GRIP1: variants seen among roughly 807,000 people sequenced by gnomAD.
GRIP1 encodes glutamate receptor-interacting protein 1.
GRIP1 carries 45 observed loss-of-function variants against 129.9 expected under a neutral mutation model. That is an observed-to-expected ratio of 0.35 (90% CI 0.27 to 0.44). The LOEUF is 0.44. Among genes scored for constraint, GRIP1 ranks in the 20% least tolerant of loss-of-function variants. The pLI is 1.00. For synonymous variants in GRIP1, 530 were observed against 520.8 expected (o/e 1.02, Z -0.24); for missense variants, 1,196 against 1,396.8 (o/e 0.86, Z 2.29).
At chr12:66,755,842 CT>C (rs2037271889) in intron 1 of GRIP1, among the ~76,000 whole-genome samples, 1 of 152,172 alleles carries the variant, frequency 6.6e-6, no homozygotes, top group African/African-American at 2.4e-5. Flanking sequence ...CCTCACCTCT[CT>C]TTTTCACTGT....
chr12:66,544,051 C>T (rs965187072), intron 2 of GRIP1, among the ~76,000 whole-genome samples: 6 of 152,156 alleles, frequency 3.9e-5, no homozygotes, highest in Non-Finnish European at 7.3e-5. Context: ...ATGTCATTTT[C>T]TCCAGAAGGA....
chr12:66,705,599 A>G (rs1459690123), intron 1 of GRIP1, among the ~76,000 whole-genome samples: 3 of 152,098 alleles, frequency 2.0e-5, no homozygotes, highest in Non-Finnish European at 4.4e-5. Context: ...TATAGCCAAG[A>G]CAATCCTAAG....
intron 1 of GRIP1, among the ~76,000 whole-genome samples, chr12:66,785,317 TAC>T (rs1566020935): frequency 2.1e-5 from 1 of 47,910 alleles, no homozygotes; most frequent in Non-Finnish European, 4.7e-5. Context: ...CATACATACA[TAC>T]ATACATACAT....
At chr12:67,006,504 T>A (rs2042628832) in intron 1 of GRIP1, among the ~76,000 whole-genome samples, 1 of 152,002 alleles carries the variant, frequency 6.6e-6, no homozygotes, top group Non-Finnish European at 1.5e-5. Context: ...GAGAGATCGC[T>A]GAAATCTGGG....
intron 1 of GRIP1, among the ~76,000 whole-genome samples, chr12:66,830,826 T>A (rs1477403947): frequency 3.9e-5 from 5 of 129,052 alleles, no homozygotes; most frequent in Admixed American, 1.9e-4. Context: ...GGTTTTGGTA[T>A]CTGAATTTTT....
intron 1 of GRIP1, among the ~76,000 whole-genome samples, chr12:66,951,677 T>A (rs1051369377): frequency 6.6e-6 from 1 of 152,232 alleles, no homozygotes; most frequent in Admixed American, 6.5e-5. Flanking sequence ...CTAACAGCAA[T>A]CCTCGTTGTA....
At chr12:66,496,581 G>A (rs1047382718) in intron 7 of GRIP1, among the ~76,000 whole-genome samples, 3 of 152,156 alleles carry the variant, frequency 2.0e-5, no homozygotes, top group African/African-American at 7.2e-5. Context: ...TTCTCTGGGG[G>A]ATGTCTCTTA....
chr12:67,022,760 T>C (rs1465903308), intron 1 of GRIP1, among the ~76,000 whole-genome samples: 1 of 152,188 alleles, frequency 6.6e-6, no homozygotes, highest in African/African-American at 2.4e-5. Flanking sequence ...GTTTGTTACA[T>C]GGGTATACCA....
intron 11 of GRIP1, among the ~76,000 whole-genome samples, chr12:66,450,186 C>T (rs996894668): frequency 1.3e-5 from 2 of 151,388 alleles, no homozygotes; most frequent in African/African-American, 4.9e-5. Context: ...CGCCTGTAGT[C>T]CCAGCTACTC....
intron 1 of GRIP1, among the ~76,000 whole-genome samples, chr12:66,932,945 G>C (rs1464378041): frequency 6.6e-6 from 1 of 152,200 alleles, no homozygotes. Flanking sequence ...GGGATTACAG[G>C]TGTGAGCCAC....
At chr12:67,002,538 A>T (rs2042566393) in intron 1 of GRIP1, among the ~76,000 whole-genome samples, 1 of 152,230 alleles carries the variant, frequency 6.6e-6, no homozygotes, top group Admixed American at 6.5e-5. Context: ...TCCACAAGGC[A>T]ATTCATACAA....
chr12:66,842,201 C>T (rs1234336983), intron 1 of GRIP1, among the ~76,000 whole-genome samples: 11 of 152,116 alleles, frequency 7.2e-5, no homozygotes, highest in African/African-American at 2.6e-4. Flanking sequence ...CTGCTGATAA[C>T]ATTTTTGTAT....
chr12:66,825,624 G>T (rs2039397057), intron 1 of GRIP1, among the ~76,000 whole-genome samples: 1 of 152,146 alleles, frequency 6.6e-6, no homozygotes. Context: ...ATCCCTAGCT[G>T]CTTCCAGGAT....
intron 1 of GRIP1, among the ~76,000 whole-genome samples, chr12:66,723,136 A>C (rs2036111322): frequency 6.6e-6 from 1 of 150,818 alleles, no homozygotes; most frequent in Non-Finnish European, 1.5e-5. Context: ...AAAAAGAACA[A>C]ATGAAAGAAA....
At chr12:66,815,226 T>C (rs2039184685) in intron 1 of GRIP1, among the ~76,000 whole-genome samples, 1 of 152,118 alleles carries the variant, frequency 6.6e-6, no homozygotes, top group Non-Finnish European at 1.5e-5. Flanking sequence ...AGGTAGCACA[T>C]TAGTGACTCT....
At chr12:67,028,353 A>G (rs1232350237) in intron 1 of GRIP1, among the ~76,000 whole-genome samples, 1 of 152,216 alleles carries the variant, frequency 6.6e-6, no homozygotes, top group African/African-American at 2.4e-5. Flanking sequence ...CATTAAAATT[A>G]AAGAACAGTG....
In GRIP1 at chr12:66,606,078, T is replaced by C. The variant is rs572136028; in HGVS notation, c.56-9151A>G. ...GCAACTCTCAACTCCCTCTCTCGTG[T>C]CTTAAGTGTGTAACGGCCTTAGAAA... On this transcript the variant is annotated intron_variant, in intron 1 of 24. Coordinates refer to ENST00000359742, the MANE Select transcript of GRIP1 (RefSeq NM_001366722.1). Among the ~76,000 whole-genome samples the C allele has an allele frequency of 2.3e-4, 35 of 152,286 alleles. 1 individual carries two copies. Among genetic ancestry groups the C allele is most frequent in the African/African-American group, 8.2e-4 (34 of 41,564 alleles).
intron 1 of GRIP1, among the ~76,000 whole-genome samples, chr12:66,660,677 A>G (rs1466497557): frequency 6.6e-6 from 1 of 152,154 alleles, no homozygotes; most frequent in African/African-American, 2.4e-5. Flanking sequence ...CACATAACAC[A>G]TTTCTGCTGC....
chr12:66,455,361 C>A (rs370424409), intron 11 of GRIP1, 48 bp downstream of exon 11: 36 of 1,582,286 alleles, frequency 2.3e-5, no homozygotes, highest in Non-Finnish European at 3.0e-5. Context: ...GCTCCATTGC[C>A]CACAGGTTTT....
Sources: allele counts gnomAD v4.1 joint callset (sites outside exome capture counted in the v4.1 genomes callset), GRCh38; gene constraint gnomAD v4.1.1; transcripts MANE v1.5; gene names NCBI Gene and HGNC (gene_info 2026-07-23, HGNC 2026-07-21).